The following PI4KA variants were observed in gnomAD, a reference collection of about 807,000 sequenced individuals.
The protein encoded by PI4KA is phosphatidylinositol 4-kinase alpha.
In PI4KA, 122 loss-of-function variants were observed where a neutral mutation model predicts 271.4. That is an observed-to-expected ratio of 0.45 (90% CI 0.39 to 0.52). The LOEUF (loss-of-function observed/expected upper bound fraction) is 0.52, where lower values mean the gene tolerates loss of function less well. Ranked by LOEUF, PI4KA falls within the 20% of genes least tolerant of loss-of-function variation. PI4KA has a pLI of 0.00. For missense variants in PI4KA, 1,969 were observed against 2,769.1 expected, an observed-to-expected ratio of 0.71 and a Z score of 6.48; for synonymous variants, 1,041 against 1,078.8, an observed-to-expected ratio of 0.96 and a Z score of 0.69.
In PI4KA at chr22:20,742,209, C is replaced by A. The variant is rs371108333; in HGVS notation, c.3741+19G>T. 4.0e-5 allele frequency: 64 copies of A among 1,612,172 alleles called. No individual in the cohort carries two copies. The Middle Eastern group carries it at 9.9e-4, about 25-fold the overall frequency. ...TATCCCATCCCATCCTCACTGCCAA[C>A]CCGAGGTCAGGGTCCTACCGGCACT... is the stretch of plus-strand genomic sequence containing the variant. On this transcript the variant is annotated intron_variant, in intron 32 of 54. Coordinates refer to ENST00000255882, the MANE Select transcript of PI4KA (RefSeq NM_058004.4).
chr22:20,844,827 A>T (rs1926046401), intron 1 of PI4KA, among the ~76,000 whole-genome samples: 1 of 152,234 alleles, frequency 6.6e-6, no homozygotes, highest in Non-Finnish European at 1.5e-5. Flanking sequence ...CATATGATGA[A>T]ACAGACACAG....
In PI4KA at chr22:20,784,374, C is replaced by G. The variant is rs994502773; in HGVS notation, c.2328+8819G>C. The stretch of plus-strand genomic sequence containing the variant: ...AGTACCCAAGAACTTCCATACAGGG[C>G]CACTCTGTTAATTCAGCCCCAATTT... On this transcript the variant is annotated intron_variant, in intron 19 of 54. Coordinates refer to ENST00000255882, the MANE Select transcript of PI4KA (RefSeq NM_058004.4). 12 of 1,253,800 alleles carry G rather than the reference C, an allele frequency of 9.6e-6. No individual in the cohort carries two copies. In the African/African-American group the frequency reaches 1.3e-4, roughly 14 times the overall value. 77.7% of individuals were successfully genotyped at this position (1,253,800 alleles called of 1,614,324 possible).
At chr22:20,745,812 A>C (rs189023187) in intron 29 of PI4KA, among the ~76,000 whole-genome samples, 641 of 152,116 alleles carry the variant, frequency 4.2e-3, no homozygotes, top group Non-Finnish European at 7.4e-3. Context: ...ACGTAATGAC[A>C]CACACAATGT....
chr22:20,744,561 G>T, intron 30 of PI4KA, 67 bp downstream of exon 30: 2 of 1,077,366 alleles, frequency 1.9e-6, no homozygotes, highest in Non-Finnish European at 1.4e-6. Flanking sequence ...CCACTAGGAA[G>T]CGGCCAACAG....
intron 9 of PI4KA, among the ~76,000 whole-genome samples, chr22:20,808,448 C>T (rs1396145864): frequency 6.6e-6 from 1 of 150,732 alleles, no homozygotes; most frequent in Non-Finnish European, 1.5e-5. Flanking sequence ...AAAAAATTAG[C>T]CGGGCGTGGT....
intron 19 of PI4KA, chr22:20,783,951 C>T: frequency 6.2e-7 from 1 of 1,614,198 alleles, no homozygotes; most frequent in Non-Finnish European, 8.5e-7. Context: ...TCATAACAGC[C>T]TCTTCCTGTG....
chr22:20,807,260 C>T (rs1935711858), intron 10 of PI4KA, 102 bp downstream of exon 10: 6 of 712,112 alleles, frequency 8.4e-6, no homozygotes, highest in Non-Finnish European at 1.5e-5. Flanking sequence ...TTTTCAGTGG[C>T]CCCAGCAGAA....
chr22:20,808,095 A>C (rs1935771105), intron 9 of PI4KA, among the ~76,000 whole-genome samples: 1 of 151,892 alleles, frequency 6.6e-6, no homozygotes, highest in African/African-American at 2.4e-5. Context: ...GTTTGAGACC[A>C]GCCTGACCAA....
At chr22:20,733,686 G>C (rs1277236485) in intron 35 of PI4KA, 50 bp downstream of exon 35, 2 of 1,613,672 alleles carry the variant, frequency 1.2e-6, no homozygotes, top group Admixed American at 1.7e-5. Flanking sequence ...GGAGCACTTG[G>C]AGGGGCTGCG....
At chr22:20,746,270 G>A (rs533830955) in intron 29 of PI4KA, among the ~76,000 whole-genome samples, 150 of 151,954 alleles carry the variant, frequency 9.9e-4, no homozygotes, top group African/African-American at 3.5e-3. Context: ...CACCGTGTTG[G>A]CCAGGATGGT....
intron 11 of PI4KA, 86 bp downstream of exon 11, chr22:20,804,888 C>T: frequency 9.0e-7 from 1 of 1,112,906 alleles, no homozygotes; most frequent in East Asian, 2.4e-5. Context: ...GCCAAGTGTT[C>T]TAGAAGTAGT....
intron 25 of PI4KA, among the ~76,000 whole-genome samples, chr22:20,752,301 G>A (rs1333187889): frequency 6.6e-6 from 1 of 152,154 alleles, no homozygotes; most frequent in Admixed American, 6.5e-5. Context: ...CACCTGTGGT[G>A]GCGCTGCTGC....
Position 20,834,578 on chromosome 22 carries a change from T to C in PI4KA, c.351A>G (p.Thr117=), listed in dbSNP as rs148755448. ...TACAATTACCTCTGCCTTTCCGAGC[T>C]GTGCTTTCTTCTACCCAATACACTT... The part of the protein sequence containing the change: ...LPKVYWVEES[T]ARKGRGALPV... Residue 117 remains threonine, a synonymous_variant, in exon 3 of 55, where the codon ACA becomes ACG. Transcript: ENST00000255882. 5.2e-5 allele frequency: 84 copies of C among 1,602,644 alleles called. No individual in the cohort carries two copies. In the African/African-American group the frequency reaches 9.8e-4, roughly 19 times the overall value.
chr22:20,732,534 A>G (rs571555300), intron 36 of PI4KA, among the ~76,000 whole-genome samples: 15 of 152,206 alleles, frequency 9.9e-5, no homozygotes, highest in Non-Finnish European at 2.1e-4. Context: ...TCAACTCTGG[A>G]TGGGCCAAGT....
intron 29 of PI4KA, among the ~76,000 whole-genome samples, chr22:20,746,219 T>G (rs577275023): frequency 6.6e-6 from 1 of 151,698 alleles, no homozygotes; most frequent in Non-Finnish European, 1.5e-5. Flanking sequence ...CCTGCCACCA[T>G]GCCCGGCTAA....
chr22:20,844,593 G>A (rs1739014841), intron 1 of PI4KA, among the ~76,000 whole-genome samples: 2 of 152,308 alleles, frequency 1.3e-5, no homozygotes, highest in African/African-American at 4.8e-5. Flanking sequence ...GGCCCTGAAA[G>A]CCTGGAGCAA....
chr22:20,854,609 C>A (rs1187584359), intron 1 of PI4KA, among the ~76,000 whole-genome samples: 1 of 152,002 alleles, frequency 6.6e-6, no homozygotes, highest in Non-Finnish European at 1.5e-5. Flanking sequence ...GCCTGAGTTA[C>A]CAATGTCTGA....
At chr22:20,721,135 C>A (rs1442510835) in intron 43 of PI4KA, among the ~76,000 whole-genome samples, 163 bp downstream of exon 43, 2 of 152,110 alleles carry the variant, frequency 1.3e-5, no homozygotes, top group Non-Finnish European at 1.5e-5. Context: ...GGGTCCTGCT[C>A]CCCTGTGTGC....
rs570420190 is a variant in PI4KA, at chr22:20,733,573, G to A, written c.4160+163C>T. Among the ~76,000 whole-genome samples, 359 of 151,216 alleles carry A rather than the reference G, an allele frequency of 2.4e-3. 1 individual carries two copies. The highest frequency in any genetic ancestry group is 8.3e-3 in the African/African-American group (342 of 41,240). On this transcript the variant is annotated intron_variant, in intron 35 of 54. Transcript: ENST00000255882. ...CGGGACACATGCACAGGGCTGAAGG[G>A]TATTTAAATCCACAGGGCCAGGGAT...
Sources: allele counts gnomAD v4.1 joint callset (sites outside exome capture counted in the v4.1 genomes callset), GRCh38; gene constraint gnomAD v4.1.1; transcripts MANE v1.5; gene names NCBI Gene and HGNC (gene_info 2026-07-23, HGNC 2026-07-21).